The following TBC1D8 variants were observed in gnomAD, a reference collection of about 807,000 sequenced individuals.
TBC1D8 encodes the protein BUB2-like protein 1.
A neutral mutation model predicts 118.8 loss-of-function variants in TBC1D8; 65 were observed. The ratio of observed to expected loss-of-function variants is 0.55; its 90% CI spans 0.45 to 0.67. The LOEUF (loss-of-function observed/expected upper bound fraction) is 0.67, where lower values mean the gene tolerates loss of function less well. Among genes scored for constraint, TBC1D8 ranks in the 30% least tolerant of loss-of-function variants. TBC1D8 has a pLI of 0.00. For synonymous variants in TBC1D8, 566 were observed against 595.8 expected (o/e 0.95, Z 0.73); for missense variants, 1,376 against 1,471.2 (o/e 0.94, Z 1.06).
intron 13 of TBC1D8, 27 bp from the exon 14 acceptor site, chr2:101,028,173 T>A: frequency 1.9e-6 from 3 of 1,612,706 alleles, no homozygotes; most frequent in Non-Finnish European, 2.5e-6. Context: ...GACCACTTGC[T>A]CAGTCCCCTG....
chr2:101,041,992 T>C (rs1681414903), intron 5 of TBC1D8, among the ~76,000 whole-genome samples: 1 of 151,852 alleles, frequency 6.6e-6, no homozygotes, highest in Non-Finnish European at 1.5e-5. Flanking sequence ...GCCACTGCAC[T>C]CTAGCCTGGG....
At chr2:101,063,115 C>G (rs943148588) in intron 2 of TBC1D8, among the ~76,000 whole-genome samples, 1 of 152,178 alleles carries the variant, frequency 6.6e-6, no homozygotes. Flanking sequence ...ATTTATCCTG[C>G]TATTAAGCTC....
intron 1 of TBC1D8, among the ~76,000 whole-genome samples, chr2:101,148,545 C>T (rs923066112): frequency 6.6e-6 from 1 of 152,162 alleles, no homozygotes; most frequent in African/African-American, 2.4e-5. Flanking sequence ...CATGTATATG[C>T]ATGTATGTAA....
chr2:101,016,670 A>G (rs1453039364), intron 17 of TBC1D8, among the ~76,000 whole-genome samples: 1 of 152,220 alleles, frequency 6.6e-6, no homozygotes, highest in Non-Finnish European at 1.5e-5. Flanking sequence ...ACTTGGAACC[A>G]ACCCAAATGT....
rs770440362 is a variant in TBC1D8, at chr2:101,037,544, A to T, written c.1440T>A (p.Pro480=). Residue 480 remains proline (P), a synonymous_variant, in exon 8 of 20, where the codon CCT becomes CCA. Coordinates refer to ENST00000409318, the MANE Select transcript of TBC1D8 (RefSeq NM_001330348.2). The stretch of plus-strand genomic sequence containing the variant: ...AGGCGTCACCCACCATTCGGGAGTC[A>T]GGGCTCTGGCTGCCTGACTGCTGGA... ...TAFQQSGSQS[P]DSRMSREQIK... is the part of the protein sequence containing the mutation. The T allele has an allele frequency of 1.5e-5, 24 of 1,612,482 alleles. 1 individual carries two copies. Among genetic ancestry groups the T allele is most frequent in the Non-Finnish European group, 6.8e-6 (8 of 1,179,868 alleles).
chr2:101,018,957 C>G lies in TBC1D8; in HGVS notation c.2827+2724G>C, dbSNP rs745785258. 9 of 1,604,170 alleles carry G rather than the reference C, an allele frequency of 5.6e-6. No homozygotes were observed. In the African/African-American group the frequency reaches 1.1e-4, roughly 19 times the overall value. On this transcript the variant is annotated intron_variant, in intron 17 of 19. Transcript: ENST00000409318. ...TGGAATGCTCTTCGTCTGTGTGTTA[C>G]CTGACATGGTACCAAATCATCTGTA... is the stretch of plus-strand genomic sequence containing the variant.
intron 1 of TBC1D8, among the ~76,000 whole-genome samples, chr2:101,107,785 A>G (rs1677320221): frequency 6.6e-6 from 1 of 152,206 alleles, no homozygotes; most frequent in Non-Finnish European, 1.5e-5. Context: ...TGCTAACCAT[A>G]CACAACCCAC....
intron 2 of TBC1D8, among the ~76,000 whole-genome samples, chr2:101,065,020 A>T (rs1158691836): frequency 6.6e-6 from 1 of 152,168 alleles, no homozygotes; most frequent in African/African-American, 2.4e-5. Context: ...TCACACTGAA[A>T]CGCACACACA....
chr2:101,020,811 C>G (rs796080766), intron 17 of TBC1D8, among the ~76,000 whole-genome samples: 1 of 152,290 alleles, frequency 6.6e-6, no homozygotes, highest in African/African-American at 2.4e-5. Flanking sequence ...CCAGGCCAGA[C>G]GTGAATCCTC....
At position 101,008,146 on chromosome 2, in the gene TBC1D8, C is replaced by T. The variant is rs201893005; in HGVS notation, c.3143G>A (p.Arg1048Gln). Reference sequence around the variant, plus strand: ...GGAGCAGCTTCCAGAGCTGCTGCCTCGCTGCCCCACCTCCCCGATCTGCAG... The same window carrying T: ...GGAGCAGCTTCCAGAGCTGCTGCCTTGCTGCCCCACCTCCCCGATCTGCAG... ...LLLQIGEVGQRGSSSGSCSQE... is the reference protein window; with the variant it reads ...LLLQIGEVGQQGSSSGSCSQE... Residue 1048 changes from arginine to glutamine, a missense_variant, in exon 20 of 20, where the codon CGA becomes CAA. Physicochemically the swap from Arg to Gln is conservative, Grantham distance 43 (BLOSUM62 1). Coordinates refer to ENST00000409318, the MANE Select transcript of TBC1D8 (RefSeq NM_001330348.2). The T allele has an allele frequency of 1.2e-4, 187 of 1,613,802 alleles. No individual in the cohort carries two copies. Among genetic ancestry groups the T allele is most frequent in the Non-Finnish European group, 1.4e-4 (167 of 1,179,776 alleles).
At chr2:101,109,208 G>A (rs912352394) in intron 1 of TBC1D8, among the ~76,000 whole-genome samples, 5 of 152,174 alleles carry the variant, frequency 3.3e-5, no homozygotes, top group Admixed American at 6.5e-5. Context: ...AACCACCCAC[G>A]GTACAAAGGA....
chr2:101,017,388 T>C (rs890134057), intron 17 of TBC1D8, among the ~76,000 whole-genome samples: 1 of 152,224 alleles, frequency 6.6e-6, no homozygotes, highest in Non-Finnish European at 1.5e-5. Context: ...TGTAATTTTA[T>C]ATGCTATACT....
At position 101,151,207 on chromosome 2, in the gene TBC1D8, A is replaced by G. The variant is rs1253332416; in HGVS notation, c.47T>C (p.Leu16Pro). 3 of 1,254,944 alleles carry G rather than the reference A, an allele frequency of 2.4e-6. No homozygotes were observed. The highest frequency in any genetic ancestry group is 3.1e-6 in the Non-Finnish European group (3 of 976,100). 77.7% of individuals were successfully genotyped at this position (1,254,944 alleles called of 1,614,324 possible). Reference protein sequence around the residue: ...EEVLLKNALKLWVTQKSSCYF... With the variant: ...EEVLLKNALKPWVTQKSSCYF... Reference sequence around the variant, plus strand: ...GCAGCTGCTCTTCTGGGTCACCCAGAGCTTCAGCGCGTTCTTCAGCAGCAC... The same window carrying G: ...GCAGCTGCTCTTCTGGGTCACCCAGGGCTTCAGCGCGTTCTTCAGCAGCAC... Residue 16 changes from leucine (L) to proline (P), a missense_variant, in exon 1 of 20, where the codon CTC becomes CCC. Transcript: ENST00000409318.
intron 14 of TBC1D8, among the ~76,000 whole-genome samples, 189 bp from the exon 15 acceptor site, chr2:101,027,640 C>G (rs775278122): frequency 8.5e-5 from 13 of 152,200 alleles, no homozygotes; most frequent in Non-Finnish European, 1.0e-4. Flanking sequence ...TCCTTAGCCT[C>G]TTTCCAGTTC....
intron 3 of TBC1D8, 100 bp downstream of exon 3, chr2:101,059,321 T>G: frequency 1.1e-6 from 1 of 891,958 alleles, no homozygotes; most frequent in Non-Finnish European, 1.8e-6. Context: ...AGCCAAAAGT[T>G]CAGTTAGTAG....
In TBC1D8 at chr2:101,033,619, G is replaced by A. The variant is rs375959757; in HGVS notation, c.1743C>T (p.Asn581=). ...TCCTCAAAGCAGCAATTCCCGTTTC[G>A]TTCTGGAAGGCGGGGTGCTCTGGCA... is the stretch of plus-strand genomic sequence containing the variant. The part of the protein sequence containing the change: ...RSLPEHPAFQ[N]ETGIAALRRV... The change falls in exon 10 of 20, where the codon AAC becomes AAT. Residue 581 remains asparagine (N), a synonymous_variant. Coordinates refer to ENST00000409318, the MANE Select transcript of TBC1D8 (RefSeq NM_001330348.2). 38 of 1,613,792 alleles carry A rather than the reference G, an allele frequency of 2.4e-5. No individual in the cohort carries two copies. Among genetic ancestry groups the A allele is most frequent in the South Asian group, 9.9e-5 (9 of 91,074 alleles).
rs1243285453 is a variant in TBC1D8 at position 101,077,427 on chromosome 2, T to C, written c.283+12782A>G. On this transcript the variant is annotated intron_variant, in intron 2 of 19. Transcript: ENST00000409318. ...CACGCCCAGCTAATTTTTTGTATTT[T>C]TAGTAGAGACGGGGTTTCACTGTGT... Among the ~76,000 whole-genome samples, 194 of 132,090 alleles carry C rather than the reference T, an allele frequency of 1.5e-3. No individual in the cohort carries two copies. In the Middle Eastern group the frequency reaches 0.015, roughly 10 times the overall value. The allele number at this position is 132,090 out of a possible 152,430, so 86.7% of individuals were successfully genotyped here. A position where few individuals can be genotyped will look rare whatever the true frequency, so the allele number is the denominator to read the frequency against.
intron 1 of TBC1D8, among the ~76,000 whole-genome samples, chr2:101,143,750 C>G (rs1476130959): frequency 1.3e-5 from 2 of 152,142 alleles, no homozygotes; most frequent in Admixed American, 6.5e-5. Context: ...TTTGTAGAGT[C>G]AGGATTTTGC....
chr2:101,093,711 T>C (rs1161580580), intron 1 of TBC1D8, among the ~76,000 whole-genome samples: 8 of 150,262 alleles, frequency 5.3e-5, no homozygotes, highest in Non-Finnish European at 1.2e-4. Flanking sequence ...CAAGACTCCA[T>C]CTCAGGGAAA....
Sources: gnomAD v4.1 joint callset for allele counts (sites outside exome capture counted in the v4.1 genomes callset) on GRCh38, gnomAD v4.1.1 for gene constraint, MANE v1.5 for transcripts, NCBI Gene and HGNC (gene_info 2026-07-23, HGNC 2026-07-21) for gene names.